Variants in SLC17A6 observed in about 807,000 individuals in gnomAD.
The protein encoded by SLC17A6 is vesicular glutamate transporter 2.
Under a neutral mutation model 67.1 loss-of-function variants are expected in SLC17A6, and 35 were observed. The observed-to-expected ratio is 0.52, with a 90% CI of 0.40 to 0.69. SLC17A6 has a LOEUF of 0.69. Among genes scored for constraint, SLC17A6 ranks in the 30% least tolerant of loss-of-function variants. The pLI, the probability that SLC17A6 is intolerant of heterozygous loss-of-function variation, is 0.00. For synonymous variants in SLC17A6, 285 were observed against 252.3 expected (o/e 1.13, Z -1.23); for missense variants, 588 against 723.9 (o/e 0.81, Z 2.15).
At position 22,377,916 on chromosome 11, in the gene SLC17A6, G is replaced by GT. The variant is rs1856250139; in HGVS notation, c.*177dup. ...ACCATCAAGTGCAATCTGTAAAATTGTGAAGTTCCATCATTTCCATTCAAG... is the reference window on the plus strand; with the variant it reads ...ACCATCAAGTGCAATCTGTAAAATTGTTGAAGTTCCATCATTTCCATTCAAG... On this transcript the variant is annotated 3_prime_UTR_variant, in exon 12 of 12. Coordinates refer to ENST00000263160, the MANE Select transcript of SLC17A6 (RefSeq NM_020346.3). 5 of 561,860 alleles carry GT rather than the reference G, an allele frequency of 8.9e-6. No individual in the cohort carries two copies. In the South Asian group the frequency reaches 1.2e-4, roughly 13 times the overall value. The allele number at this position is 561,860 out of a possible 1,614,324, so 34.8% of individuals were successfully genotyped here. A position where few individuals can be genotyped will look rare whatever the true frequency, so the allele number is the denominator to read the frequency against.
intron 3 of SLC17A6, among the ~76,000 whole-genome samples, chr11:22,346,531 T>C (rs542184460): frequency 6.6e-5 from 10 of 152,146 alleles, no homozygotes; most frequent in Admixed American, 4.6e-4. Context: ...CTATTGCACA[T>C]TATGGGCTGG....
intron 11 of SLC17A6, 69 bp downstream of exon 11, chr11:22,376,741 G>T (rs1856236948): frequency 1.3e-6 from 2 of 1,537,612 alleles, no homozygotes; most frequent in South Asian, 2.3e-5. Flanking sequence ...TTTTGGAAAA[G>T]AGTTAAAATA....
chr11:22,341,673 G>C lies in SLC17A6; in HGVS notation c.232G>C (p.Gly78Arg). The C allele has an allele frequency of 6.2e-7, 1 of 1,614,196 alleles. No homozygotes were observed. The highest frequency in any genetic ancestry group is 8.5e-7 in the Non-Finnish European group (1 of 1,180,048). The stretch of plus-strand genomic sequence containing the variant: ...CCGCTACATTATCGCCATCATGAGC[G>C]GCCTGGGCTTCTGCATCTCCTTCGG... ...PRRYIIAIMS[G>R]LGFCISFGIR... Residue 78 changes from glycine (G) to arginine (R), a missense_variant, in exon 2 of 12, where the codon GGC becomes CGC. Transcript: ENST00000263160.
Position 22,341,712 on chromosome 11 carries a change from C to A in SLC17A6, c.271C>A (p.Leu91Met). 2.5e-6 allele frequency: 4 copies of A among 1,614,254 alleles called. No homozygotes were observed. The highest frequency in any genetic ancestry group is 2.5e-6 in the Non-Finnish European group (3 of 1,180,050). Residue 91 changes from leucine to methionine, a missense_variant, in exon 2 of 12, where the codon CTG (leucine) becomes ATG (methionine). By Grantham distance (15) the Leu-to-Met change is conservative (BLOSUM62 2). Transcript: ENST00000263160. ...CATCTCCTTCGGTATCCGCTGCAAC[C>A]TGGGCGTGGCCATTGTGGACATGGT... ...FCISFGIRCNLGVAIVDMVNN... is the reference protein window; with the variant it reads ...FCISFGIRCNMGVAIVDMVNN...
chr11:22,351,758 C>T (rs1275696715), intron 3 of SLC17A6, among the ~76,000 whole-genome samples: 3 of 152,096 alleles, frequency 2.0e-5, no homozygotes, highest in Non-Finnish European at 4.4e-5. Context: ...GGGAGGTTTT[C>T]ATTGTTAGAC....
At position 22,341,823 on chromosome 11, in the gene SLC17A6, G is replaced by A. The variant is rs370788228; in HGVS notation, c.339+43G>A. 118 of 1,602,026 alleles carry A rather than the reference G, an allele frequency of 7.4e-5. No homozygotes were observed. In the African/African-American group the frequency reaches 1.4e-3, roughly 19 times the overall value. On this transcript the variant is annotated intron_variant, in intron 2 of 11. Transcript: ENST00000263160. ...GCCCTGGCTCCTGCCCTTCGGCCAT[G>A]CGGCCTCGCAAAACCACATCTCCTG...
At chr11:22,368,409 T>C (rs1203116640) in intron 7 of SLC17A6, among the ~76,000 whole-genome samples, 1 of 152,068 alleles carries the variant, frequency 6.6e-6, no homozygotes, top group African/African-American at 2.4e-5. Context: ...ACACTAATAG[T>C]AAACAATCAG....
chr11:22,348,694 G>T (rs1039915173), intron 3 of SLC17A6, among the ~76,000 whole-genome samples: 3 of 152,100 alleles, frequency 2.0e-5, no homozygotes, highest in African/African-American at 4.8e-5. Flanking sequence ...TTTACATGCT[G>T]TATAAAATAG....
chr11:22,359,206 C>G (rs1320062979), intron 3 of SLC17A6, among the ~76,000 whole-genome samples: 1 of 152,100 alleles, frequency 6.6e-6, no homozygotes, highest in Non-Finnish European at 1.5e-5. Flanking sequence ...TTTGAAGCAT[C>G]AAATATAGAA....
intron 8 of SLC17A6, among the ~76,000 whole-genome samples, chr11:22,370,648 GAA>G (rs1856165067): frequency 6.6e-6 from 1 of 152,118 alleles, no homozygotes; most frequent in Admixed American, 6.6e-5. Flanking sequence ...AAGAAAATCT[GAA>G]AACACTCTTA....
chr11:22,359,973 A>G (rs886956492), intron 4 of SLC17A6, among the ~76,000 whole-genome samples: 4 of 152,154 alleles, frequency 2.6e-5, no homozygotes, highest in African/African-American at 7.2e-5. Flanking sequence ...TTCAATTCTA[A>G]TGATCAACTC....
At chr11:22,366,359 T>C (rs1856112614) in intron 7 of SLC17A6, among the ~76,000 whole-genome samples, 1 of 152,088 alleles carries the variant, frequency 6.6e-6, no homozygotes, top group Non-Finnish European at 1.5e-5. Flanking sequence ...GACTACTATA[T>C]TCTAAATGTA....
intron 8 of SLC17A6, among the ~76,000 whole-genome samples, chr11:22,372,366 GTA>G (rs1165496271): frequency 2.7e-5 from 4 of 148,236 alleles, no homozygotes; most frequent in Non-Finnish European, 3.0e-5. Flanking sequence ...TTTAAAACAA[GTA>G]TATATATATA....
chr11:22,374,663 A>C, intron 8 of SLC17A6, 92 bp from the exon 9 acceptor site: 1 of 1,053,804 alleles, frequency 9.5e-7, no homozygotes, highest in African/African-American at 1.6e-5. Flanking sequence ...TTGTCCATAA[A>C]GATGTGATGA....
intron 11 of SLC17A6, 137 bp downstream of exon 11, chr11:22,376,809 A>G: frequency 3.5e-6 from 3 of 848,964 alleles, no homozygotes; most frequent in Non-Finnish European, 3.7e-6. Context: ...GGAAATATAA[A>G]TGAGGCTCAG....
chr11:22,369,689 A>T (rs1856153253), intron 7 of SLC17A6, among the ~76,000 whole-genome samples: 1 of 151,866 alleles, frequency 6.6e-6, no homozygotes, highest in African/African-American at 2.4e-5. Flanking sequence ...GTTTTTGCTG[A>T]GATATGGTCT....
intron 6 of SLC17A6, among the ~76,000 whole-genome samples, chr11:22,364,222 A>G (rs1010096740): frequency 2.0e-5 from 3 of 152,178 alleles, no homozygotes; most frequent in Non-Finnish European, 2.9e-5. Flanking sequence ...GTTAAAAAAG[A>G]TAATACATAT....
chr11:22,364,833 G>A (rs1303392602), intron 6 of SLC17A6, among the ~76,000 whole-genome samples: 1 of 152,138 alleles, frequency 6.6e-6, no homozygotes, highest in Non-Finnish European at 1.5e-5. Flanking sequence ...AATGGTAAGA[G>A]TATTAAATAA....
At chr11:22,348,706 A>G (rs191077392) in intron 3 of SLC17A6, among the ~76,000 whole-genome samples, 6 of 152,300 alleles carry the variant, frequency 3.9e-5, no homozygotes, top group African/African-American at 4.8e-5. Context: ...ATAAAATAGA[A>G]AGTAATTTAT....
Sources: allele counts gnomAD v4.1 joint callset (sites outside exome capture counted in the v4.1 genomes callset), GRCh38; gene constraint gnomAD v4.1.1; transcripts MANE v1.5; gene names NCBI Gene and HGNC (gene_info 2026-07-23, HGNC 2026-07-21).